Variants in MTHFD1L observed in about 807,000 individuals in gnomAD.
MTHFD1L encodes the protein methylenetetrahydrofolate dehydrogenase (NADP+ dependent) 1 like, also known as monofunctional C1-tetrahydrofolate synthase, mitochondrial.
Under a neutral mutation model 119.5 loss-of-function variants are expected in MTHFD1L, and 81 were observed. The observed-to-expected ratio is 0.68, with a 90% CI of 0.57 to 0.82. The LOEUF (loss-of-function observed/expected upper bound fraction) is 0.82. MTHFD1L is among the 40% of genes least tolerant of loss of function. MTHFD1L has a pLI of 0.00. For synonymous variants in MTHFD1L, 430 were observed against 475.2 expected (o/e 0.90, Z 1.24); for missense variants, 1,125 against 1,253.4 (o/e 0.90, Z 1.55).
intron 26 of MTHFD1L, among the ~76,000 whole-genome samples, chr6:151,071,261 A>G (rs1444757716): frequency 6.6e-6 from 1 of 152,214 alleles, no homozygotes; most frequent in Non-Finnish European, 1.5e-5. Flanking sequence ...AATTTTGGTC[A>G]AAATTGGATA....
chr6:150,866,283 G>A (rs1778286850), intron 1 of MTHFD1L: 2 of 1,468,192 alleles, frequency 1.4e-6, no homozygotes, highest in Non-Finnish European at 1.8e-6. Flanking sequence ...GCAGGTGGGC[G>A]TGGGCATCTC....
At chr6:150,986,993 C>T (rs1000367781) in intron 20 of MTHFD1L, among the ~76,000 whole-genome samples, 4 of 152,126 alleles carry the variant, frequency 2.6e-5, no homozygotes, top group South Asian at 2.1e-4. Flanking sequence ...TGAGCCACCG[C>T]GCCTGGCTGG....
rs1789050772 is a variant in MTHFD1L, at chr6:150,922,100, AT to A, written c.985-104del. ...TCCTCCTGGCTTATTGTGCGACTCGATAATCTTGTTTTGTAACATCCACAAA... is the reference window on the plus strand; with the variant it reads ...TCCTCCTGGCTTATTGTGCGACTCGAAATCTTGTTTTGTAACATCCACAAA... On this transcript the variant is annotated intron_variant, in intron 9 of 27. Coordinates refer to ENST00000367321, the MANE Select transcript of MTHFD1L (RefSeq NM_015440.5). 144 of 816,480 alleles carry A rather than the reference AT, an allele frequency of 1.8e-4. 2 individuals carry two copies. The South Asian group carries it at 2.4e-3, about 13-fold the overall frequency. 50.6% of individuals were successfully genotyped at this position (816,480 alleles called of 1,614,324 possible).
At position 150,966,024 on chromosome 6, in the gene MTHFD1L, C is replaced by T. The variant is rs549690782; in HGVS notation, c.2013+987C>T. On this transcript the variant is annotated intron_variant, in intron 19 of 27. Coordinates refer to ENST00000367321, the MANE Select transcript of MTHFD1L (RefSeq NM_015440.5). ...GTAAACCAAGGGGGTGAGCCATGCA[C>T]GTGTCTTGAAGAACATTTGGACAGA... 3.3e-4 allele frequency among the ~76,000 whole-genome samples: 50 copies of T among 152,284 alleles called. No homozygotes were observed. The South Asian group carries it at 9.8e-3, about 30-fold the overall frequency.
intron 20 of MTHFD1L, 72 bp from the exon 21 acceptor site, chr6:151,009,747 A>G (rs1465117664): frequency 7.2e-6 from 11 of 1,536,602 alleles, no homozygotes; most frequent in Non-Finnish European, 9.0e-6. Flanking sequence ...AGCTCGAATC[A>G]TAGTGGTGAT....
chr6:151,038,590 A>C (rs11155768), intron 26 of MTHFD1L, among the ~76,000 whole-genome samples: 96,547 of 151,800 alleles, frequency 0.64, 31,973 homozygotes, highest in Non-Finnish European at 0.74. Flanking sequence ...TTTGGTTTTA[A>C]ATAAGGAGGA....
In MTHFD1L at chr6:150,965,411, A is replaced by C. The variant is rs531231685; in HGVS notation, c.2013+374A>C. On this transcript the variant is annotated intron_variant, in intron 19 of 27. Transcript: ENST00000367321. ...CGCGGCGGCTCATGCCTGTAATCCC[A>C]GCACTTTGTGAGGCCGAGGTGGGCG... 2.6e-5 allele frequency among the ~76,000 whole-genome samples: 4 copies of C among 152,310 alleles called. No homozygotes were observed. The South Asian group carries it at 8.3e-4, about 32-fold the overall frequency.
intron 26 of MTHFD1L, among the ~76,000 whole-genome samples, chr6:151,090,787 G>A (rs536419228): frequency 1.1e-4 from 16 of 152,338 alleles, no homozygotes; most frequent in African/African-American, 3.4e-4. Context: ...ATTAACCCTC[G>A]GGAGAGCAGG....
intron 8 of MTHFD1L, among the ~76,000 whole-genome samples, chr6:150,911,666 A>G (rs1786905049): frequency 2.0e-5 from 3 of 152,188 alleles, no homozygotes; most frequent in Non-Finnish European, 4.4e-5. Context: ...GTATTAGTCC[A>G]TTTTCGCACT....
At chr6:150,907,617 A>G (rs1235981584) in intron 8 of MTHFD1L, among the ~76,000 whole-genome samples, 2 of 152,160 alleles carry the variant, frequency 1.3e-5, no homozygotes, top group Non-Finnish European at 2.9e-5. Context: ...ACTGCTGCCC[A>G]GCGCCTCAAG....
intron 20 of MTHFD1L, among the ~76,000 whole-genome samples, chr6:150,985,512 T>C (rs1043573569): frequency 6.6e-6 from 1 of 151,782 alleles, no homozygotes; most frequent in Admixed American, 6.6e-5. Flanking sequence ...AATACAAAAA[T>C]TAGCCGGGCT....
chr6:151,067,247 C>T (rs1791417647), intron 26 of MTHFD1L, among the ~76,000 whole-genome samples: 1 of 151,774 alleles, frequency 6.6e-6, no homozygotes, highest in African/African-American at 2.4e-5. Flanking sequence ...CGCTCCCGGC[C>T]ATCGATTTGA....
intron 26 of MTHFD1L, among the ~76,000 whole-genome samples, chr6:151,077,163 C>T (rs1792605507): frequency 6.6e-6 from 1 of 152,120 alleles, no homozygotes; most frequent in Non-Finnish European, 1.5e-5. Flanking sequence ...AAAATTTTCT[C>T]TCCTAGAACT....
intron 24 of MTHFD1L, among the ~76,000 whole-genome samples, chr6:151,026,282 T>C (rs905036304): frequency 9.2e-5 from 14 of 152,198 alleles, no homozygotes; most frequent in African/African-American, 2.9e-4. Context: ...CGTGGAGTCA[T>C]TCAGCTAGTG....
chr6:150,889,694 A>G (rs1291198013), intron 7 of MTHFD1L, among the ~76,000 whole-genome samples: 1 of 152,196 alleles, frequency 6.6e-6, no homozygotes, highest in Non-Finnish European at 1.5e-5. Flanking sequence ...GTTTTTGCTC[A>G]CCAGTCATAT....
chr6:150,894,008 C>T (rs1327566973), intron 7 of MTHFD1L, among the ~76,000 whole-genome samples: 1 of 152,126 alleles, frequency 6.6e-6, no homozygotes, highest in Non-Finnish European at 1.5e-5. Context: ...CTTTGGGAGG[C>T]TGAGGAGGGC....
chr6:151,026,004 C>T (rs1479388054), intron 24 of MTHFD1L, among the ~76,000 whole-genome samples: 1 of 152,110 alleles, frequency 6.6e-6, no homozygotes, highest in Non-Finnish European at 1.5e-5. Flanking sequence ...ACTTTTGTTC[C>T]ATTTCATTTT....
Position 150,994,077 on chromosome 6 carries a change from A to AGGAAGGAAGGAAGGAAGGAAGGAAGG in MTHFD1L, c.2126-15742_2126-15741insGGAAGGAAGGAAGGAAGGAAGGAAGG, listed in dbSNP as rs1554273889. On this transcript the variant is annotated intron_variant, in intron 20 of 27. Transcript: ENST00000367321. ...TAACAACAACAGTAAAAAAAAAAAA[A>AGGAAGGAAGGAAGGAAGGAAGGAAGG]AAAGAAAGAAAGAAAGAAAGTGACC... Among the ~76,000 whole-genome samples the AGGAAGGAAGGAAGGAAGGAAGGAAGG allele has an allele frequency of 1.7e-4, 18 of 105,306 alleles. 1 individual carries two copies. Among genetic ancestry groups the AGGAAGGAAGGAAGGAAGGAAGGAAGG allele is most frequent in the African/African-American group, 6.6e-4 (18 of 27,068 alleles). 69.1% of individuals were successfully genotyped at this position (105,306 alleles called of 152,430 possible).
At chr6:150,965,864 G>A (rs962645050) in intron 19 of MTHFD1L, among the ~76,000 whole-genome samples, 2 of 152,156 alleles carry the variant, frequency 1.3e-5, no homozygotes, top group African/African-American at 4.8e-5. Context: ...CCAAAGGCAA[G>A]TCAATAAACA....
Sources: gnomAD v4.1 joint callset for allele counts (sites outside exome capture counted in the v4.1 genomes callset) on GRCh38, gnomAD v4.1.1 for gene constraint, MANE v1.5 for transcripts, NCBI Gene and HGNC (gene_info 2026-07-23, HGNC 2026-07-21) for gene names.